The following TBL1X variants were observed in gnomAD, a reference collection of about 807,000 sequenced individuals.
TBL1X encodes transducin beta like 1 X-linked, also known as F-box-like/WD repeat-containing protein TBL1X.
A neutral mutation model predicts 50.7 loss-of-function variants in TBL1X; 10 were observed. The observed-to-expected ratio is 0.20, with a 90% CI of 0.12 to 0.33. The LOEUF (loss-of-function observed/expected upper bound fraction) is 0.33, where lower values mean the gene tolerates loss of function less well. TBL1X is among the 10% of genes least tolerant of loss of function. The probability of loss-of-function intolerance (pLI) is 1.00; values close to 1 mark genes in which losing one functional copy is unlikely to be tolerated. For synonymous variants in TBL1X, 190 were observed against 214.7 expected, an observed-to-expected ratio of 0.88 and a Z score of 1.01; for missense variants, 340 against 504.4, an observed-to-expected ratio of 0.67 and a Z score of 3.12.
At chrX:9,709,879 C>T in intron 15 of TBL1X, 119 bp downstream of exon 15, 3 of 964,759 alleles carry the variant, frequency 3.1e-6, no homozygotes, top group Non-Finnish European at 4.3e-6. Context: ...AGCGGTAGCT[C>T]ACTTTGAAGG....
intron 16 of TBL1X, among the ~76,000 whole-genome samples, chrX:9,714,697 A>G (rs1289815759): frequency 2.7e-5 from 3 of 112,658 alleles, no homozygotes; most frequent in African/African-American, 6.5e-5. Flanking sequence ...TTCCGCAGGC[A>G]TAAGTAATCA....
chrX:9,601,854 C>A (rs191874232), intron 2 of TBL1X, among the ~76,000 whole-genome samples: 1 of 111,692 alleles, frequency 9.0e-6, no homozygotes, highest in South Asian at 3.8e-4. Context: ...CCAGCCTGGC[C>A]AACATGGCGA....
intron 2 of TBL1X, among the ~76,000 whole-genome samples, chrX:9,610,704 C>T (rs748479708): frequency 1.8e-5 from 2 of 112,012 alleles, no homozygotes; most frequent in Admixed American, 1.9e-4. Context: ...TTGTAGTCTT[C>T]ATTTTAAGCA....
Position 9,465,530 on chromosome X carries a change from T to G in TBL1X, c.-201+83T>G, listed in dbSNP as rs192589773. 6.6e-3 allele frequency: 728 copies of G among 110,668 alleles called. 42 individuals are homozygous for G. In the East Asian group the frequency reaches 0.17, roughly 26 times the overall value. 9.1% of individuals were successfully genotyped at this position (110,668 alleles called of 1,213,427 possible). On this transcript the variant is annotated intron_variant, in intron 1 of 17. Coordinates refer to ENST00000645353, the MANE Select transcript of TBL1X (RefSeq NM_005647.4). ...CGGGTCCCGCGCTGACCCTCCAGGG[T>G]CCGGCCGGCGGCTCGGGGCGCCCGA...
intron 1 of TBL1X, among the ~76,000 whole-genome samples, chrX:9,476,513 A>C (rs2081850280): frequency 8.9e-6 from 1 of 112,286 alleles, no homozygotes; most frequent in Admixed American, 9.4e-5. Flanking sequence ...AATGACCCTA[A>C]GTCGGCTGAC....
chrX:9,617,082 G>A lies in TBL1X; in HGVS notation c.-130-23191G>A, dbSNP rs182601496. Reference sequence around the variant, plus strand: ...GCCTTGGAAATCCAGTGGGAATGGTGAGATAGTGTGAACAGCTCCAAGGCA... The same window carrying A: ...GCCTTGGAAATCCAGTGGGAATGGTAAGATAGTGTGAACAGCTCCAAGGCA... On this transcript the variant is annotated intron_variant, in intron 2 of 17. Transcript: ENST00000645353. 4.8e-4 allele frequency among the ~76,000 whole-genome samples: 54 copies of A among 111,994 alleles called. 1 individual carries two copies. The highest frequency in any genetic ancestry group is 1.0e-3 in the Admixed American group (11 of 10,535).
chrX:9,708,221 C>T (rs1378787089), intron 13 of TBL1X, among the ~76,000 whole-genome samples: 3 of 111,744 alleles, frequency 2.7e-5, no homozygotes, highest in Non-Finnish European at 5.7e-5. Flanking sequence ...GTCCCCGTCT[C>T]CCTTGGCCCC....
intron 2 of TBL1X, among the ~76,000 whole-genome samples, chrX:9,633,467 A>G (rs1245984537): frequency 8.9e-6 from 1 of 112,148 alleles, no homozygotes; most frequent in Non-Finnish European, 1.9e-5. Flanking sequence ...CCACCTCCCC[A>G]TACCCATTTT....
chrX:9,624,772 G>C (rs1427375462), intron 2 of TBL1X, among the ~76,000 whole-genome samples: 3 of 111,671 alleles, frequency 2.7e-5, no homozygotes, highest in African/African-American at 9.8e-5. Flanking sequence ...TGTTAAATAA[G>C]GTATGCGTAT....
chrX:9,643,289 T>A (rs1394504757), intron 3 of TBL1X, among the ~76,000 whole-genome samples: 3 of 111,023 alleles, frequency 2.7e-5, no homozygotes, highest in African/African-American at 9.8e-5. Flanking sequence ...TCACAGGACA[T>A]CCTCCCCAAC....
chrX:9,655,482 A>G (rs996701323), intron 5 of TBL1X, among the ~76,000 whole-genome samples: 1 of 111,845 alleles, frequency 8.9e-6, no homozygotes, highest in African/African-American at 3.3e-5. Flanking sequence ...GAATACAGCA[A>G]TAATTACATC....
intron 2 of TBL1X, among the ~76,000 whole-genome samples, chrX:9,576,486 C>T (rs1266537535): frequency 1.3e-4 from 14 of 111,951 alleles, no homozygotes; most frequent in Non-Finnish European, 2.3e-4. Flanking sequence ...TGTCAACCAT[C>T]TGTCCTTTCC....
intron 5 of TBL1X, among the ~76,000 whole-genome samples, chrX:9,656,791 ATACT>A (rs1345154327): frequency 2.7e-5 from 3 of 112,444 alleles, no homozygotes; most frequent in Non-Finnish European, 3.8e-5. Context: ...GAGCAAAGAA[ATACT>A]TAATGTTGAA....
chrX:9,641,615 T>G (rs996009780), intron 3 of TBL1X, among the ~76,000 whole-genome samples: 1 of 112,675 alleles, frequency 8.9e-6, no homozygotes, highest in African/African-American at 3.2e-5. Flanking sequence ...GCCAGACATA[T>G]GCATATGTAG....
intron 1 of TBL1X, among the ~76,000 whole-genome samples, chrX:9,467,119 T>C (rs775962820): frequency 8.9e-6 from 1 of 112,789 alleles, no homozygotes; most frequent in South Asian, 3.6e-4. Context: ...TTTCAATTTC[T>C]GGAGTTTTCC....
At chrX:9,664,997 C>G (rs1269211988) in intron 5 of TBL1X, among the ~76,000 whole-genome samples, 1 of 110,752 alleles carries the variant, frequency 9.0e-6, no homozygotes, top group African/African-American at 3.3e-5. Flanking sequence ...GATTCATATC[C>G]TTTAGTTGTA....
intron 1 of TBL1X, among the ~76,000 whole-genome samples, chrX:9,491,668 C>G (rs749583815): frequency 9.1e-6 from 1 of 110,408 alleles, no homozygotes; most frequent in South Asian, 3.9e-4. Flanking sequence ...ATCCGTGGAC[C>G]AGCCTTTTAT....
intron 5 of TBL1X, among the ~76,000 whole-genome samples, chrX:9,681,660 A>T (rs994323035): frequency 8.9e-6 from 1 of 112,412 alleles, no homozygotes; most frequent in Non-Finnish European, 1.9e-5. Context: ...TCCTTCCACA[A>T]TTGCTCCATC....
chrX:9,709,150 C>T, intron 13 of TBL1X, 98 bp from the exon 14 acceptor site: 1 of 871,778 alleles, frequency 1.1e-6, no homozygotes, highest in African/African-American at 2.0e-5. Flanking sequence ...CGAAGACCTT[C>T]TGCAGCGCCG....
Sources: gnomAD v4.1 joint callset for allele counts (sites outside exome capture counted in the v4.1 genomes callset) on GRCh38, gnomAD v4.1.1 for gene constraint, MANE v1.5 for transcripts, NCBI Gene and HGNC (gene_info 2026-07-23, HGNC 2026-07-21) for gene names.